Variants in USP2 observed in about 807,000 individuals in gnomAD.
USP2 encodes the protein ubiquitin carboxyl-terminal hydrolase 2.
A neutral mutation model predicts 72.0 loss-of-function variants in USP2; 33 were observed. The observed-to-expected ratio is 0.46, with a 90% CI of 0.35 to 0.61. USP2 has a LOEUF of 0.61. Among genes scored for constraint, USP2 ranks in the 20% least tolerant of loss-of-function variants. The probability of loss-of-function intolerance (pLI) is 0.01; values close to 1 mark genes in which losing one functional copy is unlikely to be tolerated. For synonymous variants in USP2, 296 were observed against 312.5 expected (o/e 0.95, Z 0.56); for missense variants, 691 against 797.8 (o/e 0.87, Z 1.61).
At chr11:119,371,928 G>T (rs1452771898) in intron 2 of USP2, among the ~76,000 whole-genome samples, 1 of 152,186 alleles carries the variant, frequency 6.6e-6, no homozygotes, top group African/African-American at 2.4e-5. Context: ...TCCTCTGAGA[G>T]CTTGCCACCT....
At chr11:119,376,785 A>C (rs1951007497) in intron 1 of USP2, among the ~76,000 whole-genome samples, 1 of 152,260 alleles carries the variant, frequency 6.6e-6, no homozygotes, top group Admixed American at 6.5e-5. Flanking sequence ...AGGCATGTTG[A>C]GTACTTCACA....
chr11:119,375,858 G>C (rs1227672876), intron 1 of USP2, among the ~76,000 whole-genome samples: 1 of 152,160 alleles, frequency 6.6e-6, no homozygotes. Context: ...GGGGCCAAAC[G>C]AGGTCCAGAG....
chr11:119,368,927 A>C (rs1350514910), intron 2 of USP2, among the ~76,000 whole-genome samples: 1 of 152,030 alleles, frequency 6.6e-6, no homozygotes, highest in Non-Finnish European at 1.5e-5. Flanking sequence ...GGGGATTAGG[A>C]AGGATTGTAG....
intron 1 of USP2, among the ~76,000 whole-genome samples, chr11:119,379,835 G>A (rs1209284293): frequency 6.6e-6 from 1 of 151,528 alleles, no homozygotes; most frequent in Non-Finnish European, 1.5e-5. Context: ...TATAATTAGT[G>A]GTATTATTAA....
At chr11:119,362,030 C>T (rs1950772310) in intron 2 of USP2, among the ~76,000 whole-genome samples, 1 of 152,230 alleles carries the variant, frequency 6.6e-6, no homozygotes, top group African/African-American at 2.4e-5. Context: ...CAACAGAATA[C>T]CCACCCTTAC....
In USP2 at chr11:119,364,135, G is replaced by A. The variant is rs896248907; in HGVS notation, c.775-3901C>T. ...GACAGCGTCCGCGGCGCCCGAACGCGCGCTCCTCCGCCTCAACCTCCCCGG... is the reference window on the plus strand; with the variant it reads ...GACAGCGTCCGCGGCGCCCGAACGCACGCTCCTCCGCCTCAACCTCCCCGG... On this transcript the variant is annotated intron_variant, in intron 2 of 12. Coordinates refer to ENST00000260187, the MANE Select transcript of USP2 (RefSeq NM_004205.5). 2.5e-6 allele frequency: 3 copies of A among 1,218,764 alleles called. No individual in the cohort carries two copies. In the African/African-American group the frequency reaches 4.7e-5, roughly 19 times the overall value. 75.5% of individuals were successfully genotyped at this position (1,218,764 alleles called of 1,614,324 possible).
At chr11:119,367,582 GGGGAGAGA>G (rs1490390985) in intron 2 of USP2, among the ~76,000 whole-genome samples, 2 of 152,168 alleles carry the variant, frequency 1.3e-5, no homozygotes, top group African/African-American at 4.8e-5. Flanking sequence ...AGTGCACCTT[GGGGAGAGA>G]GGGTCAGCCC....
chr11:119,359,221 A>G lies in USP2; in HGVS notation c.1061+10T>C, dbSNP rs1461395898. 1 of 1,613,278 alleles carries G rather than the reference A, an allele frequency of 6.2e-7. No individual in the cohort carries two copies. Among genetic ancestry groups the G allele is most frequent in the Admixed American group, 1.7e-5 (1 of 60,020 alleles). On this transcript the variant is annotated intron_variant, in intron 5 of 12. Coordinates refer to ENST00000260187, the MANE Select transcript of USP2 (RefSeq NM_004205.5). ...ACCCACCTGAGAGGACATGTCTGCAAGGCCCTTACTTATAGCCAACAAAGC... is the reference window on the plus strand; with the variant it reads ...ACCCACCTGAGAGGACATGTCTGCAGGGCCCTTACTTATAGCCAACAAAGC...
intron 1 of USP2, chr11:119,379,330 G>A: frequency 1.0e-6 from 1 of 980,240 alleles, no homozygotes; most frequent in Non-Finnish European, 1.2e-6. Context: ...GGAACAATCG[G>A]GAGATTCAAG....
chr11:119,363,434 C>T (rs1416097960), intron 2 of USP2, among the ~76,000 whole-genome samples: 2 of 152,166 alleles, frequency 1.3e-5, no homozygotes, highest in Admixed American at 1.3e-4. Context: ...GAAGGGGAGG[C>T]GGCCCCTTTC....
At chr11:119,365,550 C>T (rs1266828823) in intron 2 of USP2, among the ~76,000 whole-genome samples, 1 of 152,200 alleles carries the variant, frequency 6.6e-6, no homozygotes, top group Non-Finnish European at 1.5e-5. Flanking sequence ...TCCAAGCCTC[C>T]TTTCCAGCCA....
At chr11:119,360,362 CT>C in intron 2 of USP2, 128 bp from the exon 3 acceptor site, 1 of 903,794 alleles carries the variant, frequency 1.1e-6, no homozygotes. Flanking sequence ...CTTTCTTCAA[CT>C]TTACCCATCT....
chr11:119,356,961 ACC>A, intron 12 of USP2, 39 bp from the exon 13 acceptor site: 1 of 1,544,208 alleles, frequency 6.5e-7, no homozygotes, highest in Non-Finnish European at 8.7e-7. Context: ...AGCGGGCAGG[ACC>A]GGGAGACCCC....
rs542741814 is a variant in USP2, at chr11:119,356,196, G to A, written c.*639C>T. On this transcript the variant is annotated 3_prime_UTR_variant, in exon 13 of 13. Coordinates refer to ENST00000260187, the MANE Select transcript of USP2 (RefSeq NM_004205.5). ...AGTTGTACTTGGAAAAGCAATAAAAGGACCAGTGCAACGTCCCAGCTATGA... is the reference window on the plus strand; with the variant it reads ...AGTTGTACTTGGAAAAGCAATAAAAAGACCAGTGCAACGTCCCAGCTATGA... 2.0e-5 allele frequency: 3 copies of A among 152,466 alleles called. No homozygotes were observed. Among genetic ancestry groups the A allele is most frequent in the Non-Finnish European group, 4.4e-5 (3 of 68,024 alleles). The allele number at this position is 152,466 out of a possible 1,614,324, so 9.4% of individuals were successfully genotyped here.
At chr11:119,363,836 A>AG in intron 2 of USP2, 1 of 1,354,114 alleles carries the variant, frequency 7.4e-7, no homozygotes, top group Non-Finnish European at 9.6e-7. Flanking sequence ...GTCCCGGAAA[A>AG]GGGCCCGCGT....
In USP2 at chr11:119,358,539, C is replaced by A. The variant is rs2135387192; in HGVS notation, c.1237+234G>T. On this transcript the variant is annotated intron_variant, in intron 7 of 12. Coordinates refer to ENST00000260187, the MANE Select transcript of USP2 (RefSeq NM_004205.5). The stretch of plus-strand genomic sequence containing the variant: ...CCATGTTGGCCAGGCTGGTCTTGAA[C>A]TCCTGACCTCAGGTGATCTACCCGC... 3 of 615,022 alleles carry A rather than the reference C, an allele frequency of 4.9e-6. No individual in the cohort carries two copies. The East Asian group carries it at 8.5e-5, about 18-fold the overall frequency. 38.1% of individuals were successfully genotyped at this position (615,022 alleles called of 1,614,324 possible). A position where few individuals can be genotyped will look rare whatever the true frequency, so the allele number is the denominator to read the frequency against.
chr11:119,359,596 T>C lies in USP2; in HGVS notation c.890A>G (p.Gln297Arg). 6.2e-7 allele frequency: 1 copy of C among 1,614,042 alleles called. No homozygotes were observed. ...GTGCAGGTCCCGCATGTAGAGCCTC[T>C]GGAGGCAGTAATCTCTCAACTCCCG... ...NTRELRDYCL[Q>R]RLYMRDLHHG... Residue 297 changes from glutamine to arginine, a missense_variant, in exon 4 of 13, where the codon CAG (glutamine) becomes CGG (arginine). Physicochemically the swap from Gln to Arg is conservative, Grantham distance 43. Coordinates refer to ENST00000260187, the MANE Select transcript of USP2 (RefSeq NM_004205.5).
intron 1 of USP2, among the ~76,000 whole-genome samples, chr11:119,374,958 G>GT (rs1565313741): frequency 1.3e-5 from 2 of 152,168 alleles, no homozygotes; most frequent in African/African-American, 4.8e-5. Context: ...ATAACAACAC[G>GT]TGAAGGGCTC....
At chr11:119,364,360 C>T (rs1267646179) in intron 2 of USP2, among the ~76,000 whole-genome samples, 1 of 152,016 alleles carries the variant, frequency 6.6e-6, no homozygotes, top group Non-Finnish European at 1.5e-5. Flanking sequence ...GCCGGGCCTT[C>T]CCCGCGCTCC....
Sources: gnomAD v4.1 joint callset for allele counts (sites outside exome capture counted in the v4.1 genomes callset) on GRCh38, gnomAD v4.1.1 for gene constraint, MANE v1.5 for transcripts, NCBI Gene and HGNC (gene_info 2026-07-23, HGNC 2026-07-21) for gene names.